Variants in RASGRP1 observed in about 807,000 individuals in gnomAD.
The protein encoded by RASGRP1 is RAS guanyl releasing protein 1, also known as RAS guanyl-releasing protein 1.
A neutral mutation model predicts 95.1 loss-of-function variants in RASGRP1; 37 were observed. The observed-to-expected ratio is 0.39, with a 90% CI of 0.30 to 0.51. The LOEUF (loss-of-function observed/expected upper bound fraction) is 0.51. RASGRP1 is among the 20% of genes least tolerant of loss of function. The pLI is 0.80. For missense variants in RASGRP1, 711 were observed against 965.4 expected (o/e 0.74, Z 3.49); for synonymous variants, 325 against 353.4 (o/e 0.92, Z 0.90).
In RASGRP1 at chr15:38,523,702, A is replaced by G. The variant is rs923282248; in HGVS notation, c.326+2597T>C. On this transcript the variant is annotated intron_variant, in intron 3 of 16. Coordinates refer to ENST00000310803, the MANE Select transcript of RASGRP1 (RefSeq NM_005739.4). ...TGGTAAGTGCCCCCCTATACATATC[A>G]TTTTTTAATCTTTTATACCATATTT... 3.3e-5 allele frequency among the ~76,000 whole-genome samples: 5 copies of G among 152,048 alleles called. No individual in the cohort carries two copies. The South Asian group carries it at 8.3e-4, about 25-fold the overall frequency.
intron 15 of RASGRP1, among the ~76,000 whole-genome samples, chr15:38,495,253 A>G (rs1363208209): frequency 1.3e-5 from 2 of 152,260 alleles, no homozygotes; most frequent in Admixed American, 1.3e-4. Context: ...CATGAGAAAG[A>G]AGTTTTAGCT....
intron 16 of RASGRP1, among the ~76,000 whole-genome samples, chr15:38,491,690 A>G (rs957574977): frequency 6.6e-6 from 1 of 152,200 alleles, no homozygotes. Context: ...CACATAGACT[A>G]GTCATTGTAA....
chr15:38,507,706 T>A lies in RASGRP1; in HGVS notation c.1242+20A>T, dbSNP rs747243926. ...GCACACAGAAAGTGCTTAGTAATTG[T>A]CCTCCAGTGTGAGCCTCACCGTCAG... On this transcript the variant is annotated intron_variant, in intron 9 of 16. Transcript: ENST00000310803. 3.4e-5 allele frequency: 52 copies of A among 1,550,544 alleles called. No individual in the cohort carries two copies. Among genetic ancestry groups the A allele is most frequent in the Non-Finnish European group, 4.4e-5 (50 of 1,146,096 alleles).
chr15:38,563,926 T>C (rs1017184233), intron 1 of RASGRP1, among the ~76,000 whole-genome samples: 1 of 152,220 alleles, frequency 6.6e-6, no homozygotes, highest in Non-Finnish European at 1.5e-5. Context: ...AGTTGCCTAG[T>C]TCTGGTCCTT....
intron 6 of RASGRP1, among the ~76,000 whole-genome samples, chr15:38,515,910 A>AGTGTGT (rs1555401575): frequency 1.3e-3 from 193 of 143,490 alleles, no homozygotes; most frequent in African/African-American, 2.3e-3. Flanking sequence ...AGAGAGAGAG[A>AGTGTGT]GTGTGTGTGT....
chr15:38,518,208 G>A (rs1222138857), intron 5 of RASGRP1, 84 bp downstream of exon 5: 5 of 1,351,106 alleles, frequency 3.7e-6, no homozygotes, highest in Non-Finnish European at 5.2e-6. Flanking sequence ...GTCACCGCTG[G>A]GGGTCAGAAG....
rs559339546 is a variant in RASGRP1, at chr15:38,506,752, C to T, written c.1243-832G>A. ...TAACCTTGAGTCTATGGATAGGCTTCAAGGATTTCAGAACTTGAAATTACA... is the reference window on the plus strand; with the variant it reads ...TAACCTTGAGTCTATGGATAGGCTTTAAGGATTTCAGAACTTGAAATTACA... On this transcript the variant is annotated intron_variant, in intron 9 of 16. Coordinates refer to ENST00000310803, the MANE Select transcript of RASGRP1 (RefSeq NM_005739.4). 5.9e-5 allele frequency among the ~76,000 whole-genome samples: 9 copies of T among 151,740 alleles called. No individual in the cohort carries two copies. In the East Asian group the frequency reaches 1.7e-3, roughly 29 times the overall value.
At chr15:38,522,377 T>C (rs537915972) in intron 3 of RASGRP1, among the ~76,000 whole-genome samples, 14 of 152,294 alleles carry the variant, frequency 9.2e-5, no homozygotes, top group East Asian at 3.9e-4. Context: ...CCAGAGTACA[T>C]AGGCACTACA....
chr15:38,564,632 C>T lies in RASGRP1; in HGVS notation c.-4G>A. 7.5e-7 allele frequency: 1 copy of T among 1,338,118 alleles called. No individual in the cohort carries two copies. Among genetic ancestry groups the T allele is most frequent in the Non-Finnish European group, 9.7e-7 (1 of 1,036,150 alleles). The allele number at this position is 1,338,118 out of a possible 1,614,324, so 82.9% of individuals were successfully genotyped here. ...TCGCCTTGCCCAGGGTGCCCATGGC[C>T]GCGGCCCGCGCTCCCGGTGCCGGCT... On this transcript the variant is annotated 5_prime_UTR_variant, in exon 1 of 17. Coordinates refer to ENST00000310803, the MANE Select transcript of RASGRP1 (RefSeq NM_005739.4).
intron 2 of RASGRP1, among the ~76,000 whole-genome samples, chr15:38,539,965 G>A (rs984165178): frequency 3.3e-5 from 5 of 152,010 alleles, no homozygotes; most frequent in East Asian, 1.9e-4. Context: ...TGCCCAGGCC[G>A]GAGTGCAGTG....
rs1205871067 is a variant in RASGRP1 at position 38,542,860 on chromosome 15, TACAC to T, written c.221-16460_221-16457del. Among the ~76,000 whole-genome samples, 144 of 122,448 alleles carry T rather than the reference TACAC, an allele frequency of 1.2e-3. 1 individual carries two copies. Among genetic ancestry groups the T allele is most frequent in the Non-Finnish European group, 1.8e-3 (112 of 63,962 alleles). 80.3% of individuals were successfully genotyped at this position (122,448 alleles called of 152,430 possible). On this transcript the variant is annotated intron_variant, in intron 2 of 16. Transcript: ENST00000310803. ...GTATATATATATATGTGTATATATA[TACAC>T]ATATATGTGTATATATATACACATA... is the stretch of plus-strand genomic sequence containing the variant.
chr15:38,511,464 G>C (rs1891509618), intron 8 of RASGRP1, 140 bp downstream of exon 8: 1 of 631,502 alleles, frequency 1.6e-6, no homozygotes, highest in African/African-American at 1.8e-5. Flanking sequence ...TTTCCTTAAG[G>C]TTTGCCTCCC....
At chr15:38,538,136 C>T (rs769844594) in intron 2 of RASGRP1, among the ~76,000 whole-genome samples, 1 of 151,874 alleles carries the variant, frequency 6.6e-6, no homozygotes, top group African/African-American at 2.4e-5. Flanking sequence ...TGGTGGTGGG[C>T]GCCTGTAATC....
At chr15:38,523,165 A>G (rs1361407775) in intron 3 of RASGRP1, among the ~76,000 whole-genome samples, 2 of 152,194 alleles carry the variant, frequency 1.3e-5, no homozygotes, top group East Asian at 1.9e-4. Context: ...TACTAACACT[A>G]TTAACTGAAA....
intron 7 of RASGRP1, 105 bp downstream of exon 7, chr15:38,512,678 T>C: frequency 7.2e-7 from 1 of 1,398,008 alleles, no homozygotes; most frequent in Non-Finnish European, 9.8e-7. Context: ...CTCGCCATGG[T>C]TCAGGAGGGA....
At chr15:38,525,982 T>C (rs1010912454) in intron 3 of RASGRP1, among the ~76,000 whole-genome samples, 5 of 152,146 alleles carry the variant, frequency 3.3e-5, no homozygotes, top group African/African-American at 9.7e-5. Flanking sequence ...CTTTGTCAAT[T>C]TGCACAGGAT....
Position 38,559,943 on chromosome 15 carries a change from C to A in RASGRP1, c.98G>T (p.Ser33Ile), listed in dbSNP as rs780647755. 108 of 1,613,496 alleles carry A rather than the reference C, an allele frequency of 6.7e-5. No individual in the cohort carries two copies. Among genetic ancestry groups the A allele is most frequent in the Non-Finnish European group, 8.6e-5 (102 of 1,179,696 alleles). Residue 33 changes from serine to isoleucine, a missense_variant, in exon 2 of 17, where the codon AGC becomes ATC. Around this residue, in one of 3 missense-constraint regions of RASGRP1, gnomAD observed 491 missense variants for 676.6 expected, o/e 0.73. Coordinates refer to ENST00000310803, the MANE Select transcript of RASGRP1 (RefSeq NM_005739.4). ...KARLEAKPANSPFPSHPSLAH... is the reference protein window; with the variant it reads ...KARLEAKPANIPFPSHPSLAH... ...CAAGCTGGGATGGGAGGGGAAGGGG[C>A]TGTTGGCTGGCTTTGCCTCTAGTCT...
At position 38,489,799 on chromosome 15, in the gene RASGRP1, TATG is replaced by T. The variant is rs774266669; in HGVS notation, c.*752_*754del. 2 of 152,042 alleles carry T rather than the reference TATG, an allele frequency of 1.3e-5. No homozygotes were observed. The highest frequency in any genetic ancestry group is 6.5e-5 in the Admixed American group (1 of 15,268). 9.4% of individuals were successfully genotyped at this position (152,042 alleles called of 1,614,324 possible). On this transcript the variant is annotated 3_prime_UTR_variant, in exon 17 of 17. Transcript: ENST00000310803. Reference sequence around the variant, plus strand: ...TATATAAGGACAAACATGTTTGCGTTATGTTTATTTTAATTAGACAGTAATATG... The same window carrying T: ...TATATAAGGACAAACATGTTTGCGTTTTTATTTTAATTAGACAGTAATATG...
intron 8 of RASGRP1, among the ~76,000 whole-genome samples, chr15:38,509,548 GA>G (rs1891412451): frequency 6.6e-6 from 1 of 152,096 alleles, no homozygotes; most frequent in South Asian, 2.1e-4. Context: ...CTAACATGGT[GA>G]AACCCCGTCT....
Sources: allele counts gnomAD v4.1 joint callset (sites outside exome capture counted in the v4.1 genomes callset), GRCh38; gene constraint gnomAD v4.1.1; regional missense constraint gnomAD v4.1.1; transcripts MANE v1.5; gene names NCBI Gene and HGNC (gene_info 2026-07-23, HGNC 2026-07-21).